The following ALKAL1 variants were observed in gnomAD, a reference collection of about 807,000 sequenced individuals.
ALKAL1 encodes AUG-beta.
A neutral mutation model predicts 13.5 loss-of-function variants in ALKAL1; 23 were observed. The ratio of observed to expected loss-of-function variants is 1.70; its 90% confidence interval spans 1.23 to 2.41. The LOEUF (loss-of-function observed/expected upper bound fraction) is 2.41. ALKAL1 is among the 30% of genes most tolerant of loss of function. The pLI, the probability that ALKAL1 is intolerant of heterozygous loss-of-function variation, is 0.00. For missense variants in ALKAL1, 181 were observed against 178.4 expected (o/e 1.01, Z -0.08); for synonymous variants, 85 against 77.7 (o/e 1.09, Z -0.49).
At position 52,565,380 on chromosome 8, in the gene ALKAL1, C is replaced by T. The variant is rs1211788767; in HGVS notation, c.-124G>A. 2.9e-6 allele frequency: 2 copies of T among 701,418 alleles called. No homozygotes were observed. Among genetic ancestry groups the T allele is most frequent in the Non-Finnish European group, 4.1e-6 (2 of 493,224 alleles). The allele number at this position is 701,418 out of a possible 1,614,324, so 43.4% of individuals were successfully genotyped here. Reference sequence around the variant, plus strand: ...CGGCTACGCGGCCGGCCGCAGTCTTCACCGCGCGCCTGCCCTTGTCTACGT... The same window carrying T: ...CGGCTACGCGGCCGGCCGCAGTCTTTACCGCGCGCCTGCCCTTGTCTACGT... On this transcript the variant is annotated 5_prime_UTR_variant, in exon 1 of 5. Transcript: ENST00000358543.
chr8:52,563,774 T>C (rs1046026976), intron 1 of ALKAL1, among the ~76,000 whole-genome samples: 4 of 152,236 alleles, frequency 2.6e-5, no homozygotes, highest in East Asian at 1.9e-4. Flanking sequence ...CTGCCCGGGT[T>C]GTCCACACAC....
rs953668996 is a variant in ALKAL1 at position 52,538,235 on chromosome 8, TA to T, written c.*12+195del. Among the ~76,000 whole-genome samples the T allele has an allele frequency of 5.3e-5, 8 of 152,242 alleles. 1 individual carries two copies. Among genetic ancestry groups the T allele is most frequent in the Admixed American group, 4.6e-4 (7 of 15,296 alleles). On this transcript the variant is annotated intron_variant, in intron 4 of 4. Coordinates refer to ENST00000358543, the MANE Select transcript of ALKAL1 (RefSeq NM_207413.4). ...AACCATAATTCATTGTATATTTTTT[TA>T]AAGCTGCAAAAGAAGGTTTTGAATG...
chr8:52,545,806 GCAGA>G (rs1195550301), intron 1 of ALKAL1, among the ~76,000 whole-genome samples: 1 of 152,204 alleles, frequency 6.6e-6, no homozygotes, highest in African/African-American at 2.4e-5. Flanking sequence ...AATAATAGAT[GCAGA>G]CAGATAAGTT....
chr8:52,558,628 C>T (rs555375973), intron 1 of ALKAL1, among the ~76,000 whole-genome samples: 6 of 152,124 alleles, frequency 3.9e-5, no homozygotes, highest in Admixed American at 6.6e-5. Context: ...TGTCCCCCAG[C>T]GGCTAAAGTC....
chr8:52,556,435 C>T (rs544344418), intron 1 of ALKAL1, among the ~76,000 whole-genome samples: 1 of 151,944 alleles, frequency 6.6e-6, no homozygotes, highest in East Asian at 1.9e-4. Flanking sequence ...ATCACGAGGT[C>T]AGGAGATCGA....
At chr8:52,561,551 G>A (rs1847550720) in intron 1 of ALKAL1, among the ~76,000 whole-genome samples, 1 of 152,178 alleles carries the variant, frequency 6.6e-6, no homozygotes, top group African/African-American at 2.4e-5. Flanking sequence ...AGTAGCTCCT[G>A]AGAGCTGCCG....
intron 2 of ALKAL1, among the ~76,000 whole-genome samples, chr8:52,541,881 T>C (rs189867024): frequency 1.3e-5 from 2 of 151,750 alleles, no homozygotes; most frequent in Admixed American, 6.6e-5. Context: ...TTGGGGAACA[T>C]AGTCTGAATT....
chr8:52,556,443 C>G (rs1039922984), intron 1 of ALKAL1, among the ~76,000 whole-genome samples: 1 of 151,550 alleles, frequency 6.6e-6, no homozygotes, highest in African/African-American at 2.4e-5. Flanking sequence ...GTCAGGAGAT[C>G]GAGACCATCC....
chr8:52,554,937 T>C (rs9298479), intron 1 of ALKAL1, among the ~76,000 whole-genome samples: 36,390 of 151,992 alleles, frequency 0.24, 4,910 homozygotes, highest in East Asian at 0.65. Flanking sequence ...TTTGGGAGGC[T>C]GAGGCGGGCG....
chr8:52,552,587 C>T (rs897799441), intron 1 of ALKAL1, among the ~76,000 whole-genome samples: 1 of 152,184 alleles, frequency 6.6e-6, no homozygotes, highest in Non-Finnish European at 1.5e-5. Flanking sequence ...CATTTATTTA[C>T]ACAAGCAATG....
At chr8:52,552,798 G>C (rs1847442532) in intron 1 of ALKAL1, among the ~76,000 whole-genome samples, 1 of 152,090 alleles carries the variant, frequency 6.6e-6, no homozygotes. Context: ...GGCATTATCA[G>C]ATACTCTAGG....
At chr8:52,552,131 A>T (rs1400628873) in intron 1 of ALKAL1, among the ~76,000 whole-genome samples, 4 of 151,952 alleles carry the variant, frequency 2.6e-5, no homozygotes, top group Non-Finnish European at 4.4e-5. Context: ...GTCTCTCAAA[A>T]TTTCCTTGTT....
At chr8:52,537,675 T>C (rs549917527) in intron 4 of ALKAL1, among the ~76,000 whole-genome samples, 2 of 151,962 alleles carry the variant, frequency 1.3e-5, no homozygotes, top group South Asian at 4.2e-4. Context: ...CTAGGCAGCA[T>C]GGATGAAGCT....
rs924007080 is a variant in ALKAL1, at chr8:52,539,901, T to C, written c.255A>G (p.Thr85=). Residue 85 remains threonine, a synonymous_variant, in exon 3 of 5, where the codon ACA becomes ACG. Transcript: ENST00000358543. ...KFIKHFTGPV[T]FSPECSKHFH... ...AATGTTTGCTGCATTCTGGTGAAAA[T>C]GTGACCGGCCCTAGAGCACAGGAAA... 30 of 1,612,876 alleles carry C rather than the reference T, an allele frequency of 1.9e-5. No individual in the cohort carries two copies. The highest frequency in any genetic ancestry group is 2.5e-5 in the Non-Finnish European group (30 of 1,179,742).
chr8:52,564,951 G>T, intron 1 of ALKAL1, 116 bp downstream of exon 1: 2 of 778,968 alleles, frequency 2.6e-6, no homozygotes, highest in East Asian at 3.4e-5. Flanking sequence ...GAGATGCTCT[G>T]TTTTCTGCTG....
intron 4 of ALKAL1, among the ~76,000 whole-genome samples, chr8:52,537,522 C>A (rs1847275510): frequency 6.6e-6 from 1 of 152,044 alleles, no homozygotes; most frequent in Non-Finnish European, 1.5e-5. Flanking sequence ...ATACCTGCAC[C>A]CCCATGTTTA....
chr8:52,553,019 C>T (rs1847444308), intron 1 of ALKAL1, among the ~76,000 whole-genome samples: 1 of 152,066 alleles, frequency 6.6e-6, no homozygotes. Context: ...TTTTATATAT[C>T]CAGTGTTTAA....
intron 4 of ALKAL1, among the ~76,000 whole-genome samples, chr8:52,537,070 C>A (rs1346601596): frequency 6.6e-6 from 1 of 152,090 alleles, no homozygotes; most frequent in Admixed American, 6.5e-5. Context: ...AAAAGATTTG[C>A]AAACCATTCA....
At chr8:52,535,470 G>T (rs1478016061) in intron 4 of ALKAL1, among the ~76,000 whole-genome samples, 2 of 146,324 alleles carry the variant, frequency 1.4e-5, no homozygotes, top group Non-Finnish European at 3.0e-5. Flanking sequence ...AGGATCACTG[G>T]ACCCTGGGAG....
Sources: gnomAD v4.1 joint callset for allele counts (sites outside exome capture counted in the v4.1 genomes callset) on GRCh38, gnomAD v4.1.1 for gene constraint, MANE v1.5 for transcripts, NCBI Gene and HGNC (gene_info 2026-07-23, HGNC 2026-07-21) for gene names.